Variants in ERC2 observed in about 807,000 individuals in gnomAD.
ERC2 encodes the protein ERC protein 2.
Under a neutral mutation model 114.8 loss-of-function variants are expected in ERC2, and 42 were observed. That is an observed-to-expected ratio of 0.37 (90% CI 0.29 to 0.47). ERC2 has a LOEUF of 0.47. ERC2 is among the 20% of genes least tolerant of loss of function. The pLI is 0.99. For missense variants in ERC2, 939 were observed against 1,150.7 expected (o/e 0.82, Z 2.66); for synonymous variants, 454 against 425.5 (o/e 1.07, Z -0.82).
chr3:56,047,657 T>G (rs2075545695), intron 7 of ERC2, among the ~76,000 whole-genome samples: 1 of 152,228 alleles, frequency 6.6e-6, no homozygotes, highest in Non-Finnish European at 1.5e-5. Context: ...GACTAGTAGT[T>G]TTGTTCCAAG....
At chr3:56,206,494 C>T (rs1246948138) in intron 3 of ERC2, among the ~76,000 whole-genome samples, 2 of 152,120 alleles carry the variant, frequency 1.3e-5, no homozygotes, top group Non-Finnish European at 2.9e-5. Flanking sequence ...CCCAGGATAG[C>T]AATTGTACTT....
intron 2 of ERC2, among the ~76,000 whole-genome samples, chr3:56,403,928 C>A (rs537627788): frequency 6.6e-6 from 1 of 152,336 alleles, no homozygotes; most frequent in Admixed American, 6.5e-5. Context: ...GGATACCATG[C>A]TGCTTTCAAT....
At chr3:56,395,789 G>A (rs774116811) in intron 2 of ERC2, among the ~76,000 whole-genome samples, 20 of 152,204 alleles carry the variant, frequency 1.3e-4, no homozygotes, top group Middle Eastern at 6.8e-3. Flanking sequence ...ATGCAAGAAC[G>A]GCCTCAGACA....
At chr3:55,705,995 C>T (rs2063460716) in intron 15 of ERC2, among the ~76,000 whole-genome samples, 1 of 152,078 alleles carries the variant, frequency 6.6e-6, no homozygotes, top group Non-Finnish European at 1.5e-5. Flanking sequence ...CACCAGGAGC[C>T]CGTGCATCTT....
At chr3:55,564,608 C>T (rs1229681479) in intron 17 of ERC2, among the ~76,000 whole-genome samples, 1 of 152,192 alleles carries the variant, frequency 6.6e-6, no homozygotes, top group African/African-American at 2.4e-5. Flanking sequence ...GATGGACACA[C>T]AGCTATTAGA....
chr3:55,720,140 T>C (rs111478758), intron 15 of ERC2, among the ~76,000 whole-genome samples: 70 of 1,276 alleles, frequency 0.055, 24 homozygotes, highest in Non-Finnish European at 0.095. Flanking sequence ...CCTCTTCTTC[T>C]TCCTCTTCTT....
At chr3:55,678,467 C>A (rs940220482) in intron 17 of ERC2, among the ~76,000 whole-genome samples, 2 of 152,158 alleles carry the variant, frequency 1.3e-5, no homozygotes, top group Admixed American at 6.5e-5. Flanking sequence ...TCCCTTTCAA[C>A]CTCCTACAAC....
intron 3 of ERC2, among the ~76,000 whole-genome samples, chr3:56,219,441 G>T (rs2049746687): frequency 6.6e-6 from 1 of 152,102 alleles, no homozygotes; most frequent in Non-Finnish European, 1.5e-5. Context: ...GCTACACACT[G>T]TGCAGGGGCT....
intron 17 of ERC2, among the ~76,000 whole-genome samples, chr3:55,528,905 G>A (rs1202513494): frequency 6.6e-6 from 1 of 152,124 alleles, no homozygotes; most frequent in Non-Finnish European, 1.5e-5. Flanking sequence ...TATGGGGATG[G>A]GGTTGCTCCC....
At chr3:55,774,993 A>G (rs1391267332) in intron 14 of ERC2, among the ~76,000 whole-genome samples, 1 of 152,168 alleles carries the variant, frequency 6.6e-6, no homozygotes, top group Non-Finnish European at 1.5e-5. Context: ...GGTCTAACTA[A>G]AGAACAAATT....
intron 9 of ERC2, among the ~76,000 whole-genome samples, chr3:56,008,483 C>A (rs2072672153): frequency 6.6e-6 from 1 of 152,140 alleles, no homozygotes; most frequent in South Asian, 2.1e-4. Flanking sequence ...ACAGAAATAA[C>A]AAAGGATATT....
chr3:55,582,284 T>G (rs1029543735), intron 17 of ERC2, among the ~76,000 whole-genome samples: 2 of 152,226 alleles, frequency 1.3e-5, no homozygotes, highest in Admixed American at 1.3e-4. Flanking sequence ...CCTCTCTCCC[T>G]TGACACAGAT....
At chr3:56,462,106 A>C (rs554449730) in intron 1 of ERC2, among the ~76,000 whole-genome samples, 1 of 152,324 alleles carries the variant, frequency 6.6e-6, no homozygotes, top group African/African-American at 2.4e-5. Flanking sequence ...GACCAAAGTC[A>C]TTTAATACAA....
At chr3:56,189,227 C>T (rs557770363) in intron 3 of ERC2, among the ~76,000 whole-genome samples, 10 of 152,312 alleles carry the variant, frequency 6.6e-5, no homozygotes, top group African/African-American at 2.2e-4. Context: ...CTTCATAAGA[C>T]GGTTCTCCAA....
At chr3:55,842,038 A>G (rs939866003) in intron 14 of ERC2, among the ~76,000 whole-genome samples, 4 of 152,260 alleles carry the variant, frequency 2.6e-5, no homozygotes, top group African/African-American at 9.6e-5. Flanking sequence ...CATGTAACCA[A>G]CAACTGTTGC....
chr3:56,294,303 T>C (rs1297463809), intron 3 of ERC2, among the ~76,000 whole-genome samples: 1 of 152,260 alleles, frequency 6.6e-6, no homozygotes, highest in Non-Finnish European at 1.5e-5. Context: ...AGTTTCTGTG[T>C]GTCAGGAATC....
At chr3:55,655,794 C>T (rs568436077) in intron 17 of ERC2, among the ~76,000 whole-genome samples, 2 of 152,322 alleles carry the variant, frequency 1.3e-5, no homozygotes, top group South Asian at 2.1e-4. Context: ...GTGTTCATCC[C>T]AGGATGCAAA....
rs566808740 is a variant in ERC2, at chr3:55,920,328, G to A, written c.2403+30097C>T. ...ATATTTCATAATTGGTTTTAAAAAG[G>A]CACTAAACGAATAAATATTTCATCA... is the stretch of plus-strand genomic sequence containing the variant. On this transcript the variant is annotated intron_variant, in intron 13 of 17. Coordinates refer to ENST00000288221, the MANE Select transcript of ERC2 (RefSeq NM_015576.3). 2.6e-5 allele frequency among the ~76,000 whole-genome samples: 4 copies of A among 151,326 alleles called. No individual in the cohort carries two copies. The East Asian group carries it at 7.8e-4, about 29-fold the overall frequency.
chr3:55,595,787 G>T (rs2058097683), intron 17 of ERC2, among the ~76,000 whole-genome samples: 1 of 152,148 alleles, frequency 6.6e-6, no homozygotes, highest in Admixed American at 6.5e-5. Context: ...TCTTTGCTTG[G>T]AAGCCGCCAT....
Sources: allele counts gnomAD v4.1 joint callset (sites outside exome capture counted in the v4.1 genomes callset), GRCh38; gene constraint gnomAD v4.1.1; transcripts MANE v1.5; gene names NCBI Gene and HGNC (gene_info 2026-07-23, HGNC 2026-07-21).